Variants in ADCY8 observed in about 807,000 individuals in gnomAD.
ADCY8 encodes adenylate cyclase type 8.
A neutral mutation model predicts 119.7 loss-of-function variants in ADCY8; 51 were observed. The observed-to-expected ratio is 0.43, with a 90% confidence interval of 0.34 to 0.54. The LOEUF (loss-of-function observed/expected upper bound fraction) is 0.54. ADCY8 is among the 20% of genes least tolerant of loss of function. ADCY8 has a pLI of 0.03. For missense variants in ADCY8, 1,383 were observed against 1,598.8 expected (o/e 0.87, Z 2.30); for synonymous variants, 665 against 651.0 (o/e 1.02, Z -0.33).
intron 2 of ADCY8, among the ~76,000 whole-genome samples, chr8:130,988,467 T>C (rs764608351): frequency 7.9e-5 from 12 of 152,218 alleles, no homozygotes; most frequent in Non-Finnish European, 1.5e-4. Flanking sequence ...AACTGACTTA[T>C]ATGTTTGTAT....
At chr8:130,999,666 G>A (rs1286436562) in intron 1 of ADCY8, among the ~76,000 whole-genome samples, 1 of 152,154 alleles carries the variant, frequency 6.6e-6, no homozygotes, top group African/African-American at 2.4e-5. Context: ...CCAAGCTGTT[G>A]AAGGCTAGAA....
intron 9 of ADCY8, among the ~76,000 whole-genome samples, chr8:130,866,061 A>G (rs1818109536): frequency 1.3e-5 from 2 of 152,070 alleles, no homozygotes; most frequent in South Asian, 4.2e-4. Context: ...ACAGGTACTG[A>G]TATCACACAG....
Position 131,007,712 on chromosome 8 carries a change from T to C in ADCY8, c.961-17170A>G, listed in dbSNP as rs959491993. On this transcript the variant is annotated intron_variant, in intron 1 of 17. Coordinates refer to ENST00000286355, the MANE Select transcript of ADCY8 (RefSeq NM_001115.3). ...CATTTACAAATTTCTAATCCTGTGATAGGGATTTATTTTCTTTTTGTATAT... is the reference window on the plus strand; with the variant it reads ...CATTTACAAATTTCTAATCCTGTGACAGGGATTTATTTTCTTTTTGTATAT... 3.3e-5 allele frequency among the ~76,000 whole-genome samples: 5 copies of C among 152,234 alleles called. No homozygotes were observed. In the East Asian group the frequency reaches 9.6e-4, roughly 29 times the overall value.
rs755362129 is a variant in ADCY8 at position 131,039,836 on chromosome 8, C to T, written c.498G>A (p.Leu166=). Residue 166 remains leucine (L), a synonymous_variant, in exon 1 of 18, where the codon TTG becomes TTA. Coordinates refer to ENST00000286355, the MANE Select transcript of ADCY8 (RefSeq NM_001115.3). ...TLRNSFKSRD[L]ERLYQRYFLG... ...AGAAATAGCGCTGGTAGAGGCGTTC[C>T]AAATCCCGAGATTTGAAGGAGTTGC... 6.2e-7 allele frequency: 1 copy of T among 1,614,170 alleles called. No homozygotes were observed. Among genetic ancestry groups the T allele is most frequent in the African/African-American group, 1.3e-5 (1 of 75,044 alleles).
intron 7 of ADCY8, among the ~76,000 whole-genome samples, chr8:130,890,399 G>A (rs2130481484): frequency 6.6e-6 from 1 of 152,278 alleles, no homozygotes; most frequent in East Asian, 1.9e-4. Context: ...CCCTAGGGCA[G>A]TGTTTCTGGT....
chr8:130,965,006 C>G (rs1821720434), intron 2 of ADCY8, among the ~76,000 whole-genome samples: 1 of 152,058 alleles, frequency 6.6e-6, no homozygotes. Context: ...CCTTTGCCCA[C>G]TTTTTAAAGG....
At chr8:131,033,416 C>T (rs879092350) in intron 1 of ADCY8, among the ~76,000 whole-genome samples, 57 of 152,244 alleles carry the variant, frequency 3.7e-4, no homozygotes, top group African/African-American at 1.3e-3. Flanking sequence ...CATCAATCAT[C>T]AAAGTGTAAA....
At chr8:130,915,120 T>G (rs1244092401) in intron 5 of ADCY8, among the ~76,000 whole-genome samples, 1 of 152,176 alleles carries the variant, frequency 6.6e-6, no homozygotes, top group Non-Finnish European at 1.5e-5. Context: ...TTCTTTTAAA[T>G]AAAAAACACA....
At chr8:130,977,898 G>C (rs1204982444) in intron 2 of ADCY8, among the ~76,000 whole-genome samples, 1 of 152,176 alleles carries the variant, frequency 6.6e-6, no homozygotes, top group Non-Finnish European at 1.5e-5. Context: ...GCTGACTCTC[G>C]AGTCATAATC....
chr8:130,836,275 A>T lies in ADCY8; in HGVS notation c.2675+2T>A, dbSNP rs1409494991. On this transcript the variant is annotated splice_donor_variant, in intron 12 of 17. Transcript: ENST00000286355. LOFTEE classifies it high-confidence loss of function. ...TTTGGACTCACGGTGGTGGGCACTT[A>T]CTCTCCACTGTGGTTGAGGTTGTCA... 6.2e-7 allele frequency: 1 copy of T among 1,609,150 alleles called. No individual in the cohort carries two copies. The highest frequency in any genetic ancestry group is 1.1e-5 in the South Asian group (1 of 90,540).
intron 12 of ADCY8, among the ~76,000 whole-genome samples, chr8:130,824,399 T>A (rs902932968): frequency 2.0e-5 from 3 of 152,196 alleles, no homozygotes; most frequent in African/African-American, 7.2e-5. Context: ...CTTAATTAGC[T>A]AGCGAACAGT....
intron 14 of ADCY8, among the ~76,000 whole-genome samples, chr8:130,803,496 T>G (rs558277390): frequency 6.6e-6 from 1 of 152,330 alleles, no homozygotes; most frequent in East Asian, 1.9e-4. Flanking sequence ...CCCTATATAA[T>G]GCACACCCTA....
intron 2 of ADCY8, among the ~76,000 whole-genome samples, chr8:130,982,889 A>G (rs77467617): frequency 0.012 from 1,829 of 152,282 alleles, 46 homozygotes; most frequent in African/African-American, 0.042. Context: ...CATGCACAGC[A>G]TGTCTCATTT....
intron 2 of ADCY8, among the ~76,000 whole-genome samples, chr8:130,988,840 T>A (rs1822486165): frequency 6.6e-6 from 1 of 152,216 alleles, no homozygotes; most frequent in Non-Finnish European, 1.5e-5. Flanking sequence ...TAAGGCAATA[T>A]TTTTTAGTGT....
intron 1 of ADCY8, 96 bp from the exon 2 acceptor site, chr8:130,990,638 CTAA>C: frequency 6.8e-7 from 1 of 1,465,384 alleles, no homozygotes; most frequent in Non-Finnish European, 9.3e-7. Flanking sequence ...AAGGTAAATC[CTAA>C]TGTAGTAATC....
Position 131,007,588 on chromosome 8 carries a change from A to G in ADCY8, c.961-17046T>C, listed in dbSNP as rs565347274. 3.7e-4 allele frequency among the ~76,000 whole-genome samples: 56 copies of G among 152,376 alleles called. 1 individual carries two copies. The highest frequency in any genetic ancestry group is 3.9e-4 in the East Asian group (2 of 5,194). On this transcript the variant is annotated intron_variant, in intron 1 of 17. Transcript: ENST00000286355. ...CCTAGAGCTTAGCAGTCACCAGCAT[A>G]CAGTAGATGCCCAGTAAATTATTGC...
At chr8:130,878,607 T>G (rs1818652035) in intron 8 of ADCY8, among the ~76,000 whole-genome samples, 1 of 152,088 alleles carries the variant, frequency 6.6e-6, no homozygotes, top group Non-Finnish European at 1.5e-5. Context: ...AAAAAGAGTA[T>G]TTACCAAAAT....
chr8:130,970,337 G>A (rs566969766), intron 2 of ADCY8, among the ~76,000 whole-genome samples: 2 of 152,266 alleles, frequency 1.3e-5, no homozygotes, highest in South Asian at 2.1e-4. Flanking sequence ...TCATAGGAGC[G>A]CAAACCCTAT....
intron 2 of ADCY8, among the ~76,000 whole-genome samples, chr8:130,964,418 T>C (rs1212316981): frequency 7.4e-6 from 1 of 135,844 alleles, no homozygotes; most frequent in Non-Finnish European, 1.5e-5. Flanking sequence ...AGTTTTATCA[T>C]CTGTTAGTGT....
Sources: gnomAD v4.1 joint callset for allele counts (sites outside exome capture counted in the v4.1 genomes callset) on GRCh38, gnomAD v4.1.1 for gene constraint, MANE v1.5 for transcripts, NCBI Gene and HGNC (gene_info 2026-07-23, HGNC 2026-07-21) for gene names.